SBK3: variants seen among roughly 807,000 people sequenced by gnomAD.
SBK3 encodes the protein uncharacterized serine/threonine-protein kinase SBK3.
A neutral mutation model predicts 12.7 loss-of-function variants in SBK3; 16 were observed. That is an observed-to-expected ratio of 1.26 (90% CI 0.86 to 1.92). SBK3 has a LOEUF of 1.92. Among genes scored for constraint, SBK3 ranks in the 40% most tolerant of loss-of-function variants. SBK3 has a pLI of 0.00. For missense variants in SBK3, 462 were observed against 481.8 expected, an observed-to-expected ratio of 0.96 and a Z score of 0.38; for synonymous variants, 217 against 213.6, an observed-to-expected ratio of 1.02 and a Z score of -0.14.
At chr19:55,542,487 CCATCCAT>C (rs1988574387) in intron 3 of SBK3, among the ~76,000 whole-genome samples, 2 of 148,568 alleles carry the variant, frequency 1.3e-5, no homozygotes, top group Admixed American at 6.7e-5. Flanking sequence ...ATCCATCCAT[CCATCCAT>C]CCACCCACCA....
In SBK3 at chr19:55,544,919, C is replaced by T. The variant is rs1381912753; in HGVS notation, c.76G>A (p.Val26Met). The change falls in exon 2 of 4, where the codon GTG becomes ATG. Residue 26 changes from valine (V) to methionine (M), a missense_variant. Transcript: ENST00000612221. ...EDTATALQRL[V>M]ELTTSRVTPV... The stretch of plus-strand genomic sequence containing the variant: ...GTCACCCTGCTGGTCGTCAGCTCCA[C>T]CAGCCGTTGGAGGGCTGTGGCTGTG... 3 of 1,533,930 alleles carry T rather than the reference C, an allele frequency of 2.0e-6. No individual in the cohort carries two copies. The highest frequency in any genetic ancestry group is 2.6e-6 in the Non-Finnish European group (3 of 1,146,250).
intron 2 of SBK3, among the ~76,000 whole-genome samples, chr19:55,544,533 C>T (rs1024793325): frequency 1.3e-5 from 2 of 152,134 alleles, no homozygotes; most frequent in Non-Finnish European, 2.9e-5. Flanking sequence ...TCAGTTTCCC[C>T]TGGCATCAAG....
rs747779122 is a variant in SBK3, at chr19:55,540,938, C to A, written c.988G>T (p.Glu330Ter). The A allele has an allele frequency of 6.5e-7, 1 of 1,536,084 alleles. No homozygotes were observed. The highest frequency in any genetic ancestry group is 2.4e-5 in the East Asian group (1 of 40,924). The part of the protein sequence containing the change: ...LGSAVSYEDR[E>*]EGGSSLEEWT... The stretch of plus-strand genomic sequence containing the variant: ...TCCTCCAGGCTTGAGCCTCCCTCCT[C>A]CCTGTCCTCATAGGACACGGCGCTC... Residue 330 changes from glutamate (E) to a stop codon, truncating the protein, a stop_gained, in exon 4 of 4, where the codon GAG becomes TAG. Coordinates refer to ENST00000612221, the MANE Select transcript of SBK3 (RefSeq NM_001199824.2). LOFTEE classifies it low-confidence loss of function (END_TRUNC).
In SBK3 at chr19:55,540,687, G is replaced by A. The variant is rs1490891435; in HGVS notation, c.*159C>T. 1.4e-6 allele frequency: 1 copy of A among 694,908 alleles called. No homozygotes were observed. Among genetic ancestry groups the A allele is most frequent in the Non-Finnish European group, 2.6e-6 (1 of 392,106 alleles). The allele number at this position is 694,908 out of a possible 1,614,324, so 43.0% of individuals were successfully genotyped here. A position where few individuals can be genotyped will look rare whatever the true frequency, so the allele number is the denominator to read the frequency against. ...GAGCTGGGCTCTTGGGTCCTCAGTT[G>A]GAAGAGGAATGCGCGTCCAAGCCCA... On this transcript the variant is annotated 3_prime_UTR_variant, in exon 4 of 4. Coordinates refer to ENST00000612221, the MANE Select transcript of SBK3 (RefSeq NM_001199824.2).
At position 55,541,212 on chromosome 19, in the gene SBK3, G is replaced by A. The variant is rs543117518; in HGVS notation, c.714C>T (p.Ala238=). 1 of 1,535,980 alleles carries A rather than the reference G, an allele frequency of 6.5e-7. No homozygotes were observed. The highest frequency in any genetic ancestry group is 1.4e-5 in the African/African-American group (1 of 73,050). ...LGVLLFCAAT[A]CFPWDVALAP... ...CCAGTGCCACGTCCCAAGGGAAACA[G>A]GCAGTGGCAGCACAGAAGAGAAGCA... Residue 238 remains alanine, a synonymous_variant, in exon 4 of 4, where the codon GCC becomes GCT. Transcript: ENST00000612221. The surrounding 1 kb of genome is among the most constrained non-coding windows in gnomAD (Gnocchi z 5.3).
chr19:55,543,620 T>G (rs1441443414), intron 3 of SBK3, among the ~76,000 whole-genome samples: 1 of 152,000 alleles, frequency 6.6e-6, no homozygotes, highest in Non-Finnish European at 1.5e-5. Flanking sequence ...TGACCTGGTC[T>G]CCTTTCTAGA....
At position 55,543,611 on chromosome 19, in the gene SBK3, G is replaced by A. The variant is rs542500630; in HGVS notation, c.399+489C>T. Among the ~76,000 whole-genome samples, 3 of 151,806 alleles carry A rather than the reference G, an allele frequency of 2.0e-5. No homozygotes were observed. The East Asian group carries it at 5.8e-4, about 29-fold the overall frequency. On this transcript the variant is annotated intron_variant, in intron 3 of 3. Transcript: ENST00000612221. The stretch of plus-strand genomic sequence containing the variant: ...CCTAGAATATCATGGGTTCTGTCCT[G>A]ACCTGGTCTCCTTTCTAGAAGAAAC...
intron 3 of SBK3, among the ~76,000 whole-genome samples, chr19:55,542,322 C>T (rs879815604): frequency 7.9e-5 from 12 of 152,162 alleles, no homozygotes; most frequent in Admixed American, 2.0e-4. Flanking sequence ...TGCTTCCTTT[C>T]ACCCATCCAC....
Position 55,541,237 on chromosome 19 carries a change from A to AC in SBK3, c.688dup (p.Val230GlyfsTer22). 6.5e-7 allele frequency: 1 copy of AC among 1,535,872 alleles called. No homozygotes were observed. Among genetic ancestry groups the AC allele is most frequent in the Non-Finnish European group, 8.7e-7 (1 of 1,146,862 alleles). On this transcript the variant is annotated frameshift_variant, in exon 4 of 4. Coordinates refer to ENST00000612221, the MANE Select transcript of SBK3 (RefSeq NM_001199824.2). LOFTEE classifies it low-confidence loss of function (END_TRUNC). This position sits in a 1 kb window ranked among gnomAD's most constrained non-coding sequence, Gnocchi z 5.3. ...GGCAGTGGCAGCACAGAAGAGAAGC[A>AC]CCCCCAGGCCCCAGGAGTCCACGGC...
At chr19:55,543,039 A>T (rs979117491) in intron 3 of SBK3, among the ~76,000 whole-genome samples, 2 of 66,318 alleles carry the variant, frequency 3.0e-5, no homozygotes, top group Non-Finnish European at 5.6e-5. Flanking sequence ...TCATCCACCC[A>T]CCCACCCACC....
rs1988562816 is a variant in SBK3, at chr19:55,541,618, G to A, written c.400-92C>T. 11 of 1,062,578 alleles carry A rather than the reference G, an allele frequency of 1.0e-5. No homozygotes were observed. The highest frequency in any genetic ancestry group is 2.9e-4 in the Middle Eastern group (1 of 3,500). The allele number at this position is 1,062,578 out of a possible 1,614,324, so 65.8% of individuals were successfully genotyped here. The stretch of plus-strand genomic sequence containing the variant: ...TGGTCTCAAACTCCTGGCCTCAAGC[G>A]ATCCTCCTGCCTTGGCCTCCCAAAG... On this transcript the variant is annotated intron_variant, in intron 3 of 3. Coordinates refer to ENST00000612221, the MANE Select transcript of SBK3 (RefSeq NM_001199824.2). This position sits in a 1 kb window ranked among gnomAD's most constrained non-coding sequence, Gnocchi z 5.3.
rs1350572387 is a variant in SBK3 at position 55,545,403 on chromosome 19, T to C, written c.45+96A>G. On this transcript the variant is annotated intron_variant, in intron 1 of 3. Transcript: ENST00000612221. This position sits in a 1 kb window ranked among gnomAD's most constrained non-coding sequence, Gnocchi z 4.4. ...TCTCTGAGGTCTTTGCGTTTCCCTG[T>C]TTTCTGTTTCTCTTCCTCTCTCTCC... is the stretch of plus-strand genomic sequence containing the variant. 9.5e-7 allele frequency: 1 copy of C among 1,049,728 alleles called. No individual in the cohort carries two copies. Among genetic ancestry groups the C allele is most frequent in the Non-Finnish European group, 1.4e-6 (1 of 718,298 alleles). 65.0% of individuals were successfully genotyped at this position (1,049,728 alleles called of 1,614,324 possible).
chr19:55,544,226 G>A lies in SBK3; in HGVS notation c.273C>T (p.Gly91=), dbSNP rs562432123. ...GGCCTGGGTGTGCAGAGACGCAGCG[G>A]CCCACACAGAACTCCCTCAGGAAGG... ...RSTFLREFCV[G]RCVSAHPGLL... Residue 91 remains glycine, a synonymous_variant, in exon 3 of 4, where the codon GGC becomes GGT. Transcript: ENST00000612221. The A allele has an allele frequency of 1.3e-6, 2 of 1,536,024 alleles. No individual in the cohort carries two copies. The highest frequency in any genetic ancestry group is 2.0e-5 in the Admixed American group (1 of 50,984).
Position 55,545,262 on chromosome 19 carries a change from T to A in SBK3, c.45+237A>T. 2 of 586,332 alleles carry A rather than the reference T, an allele frequency of 3.4e-6. No homozygotes were observed. Among genetic ancestry groups the A allele is most frequent in the South Asian group, 4.2e-5 (2 of 47,596 alleles). 36.3% of individuals were successfully genotyped at this position (586,332 alleles called of 1,614,324 possible). ...CCCCCTGCCCACCCTGGTCTCTCTC[T>A]CCACCGTCCTCTTCCCCTGTGCATC... On this transcript the variant is annotated intron_variant, in intron 1 of 3. Coordinates refer to ENST00000612221, the MANE Select transcript of SBK3 (RefSeq NM_001199824.2). The surrounding 1 kb of genome is among the most constrained non-coding windows in gnomAD (Gnocchi z 4.4).
Position 55,543,421 on chromosome 19 carries a change from C to T in SBK3, c.399+679G>A, listed in dbSNP as rs1599950192. ...CTATTCACCCACCCATCTGTCCACT[C>T]ACCCATCCTTCCATCCTTCTAATTC... On this transcript the variant is annotated intron_variant, in intron 3 of 3. Transcript: ENST00000612221. Among the ~76,000 whole-genome samples, 3 of 149,622 alleles carry T rather than the reference C, an allele frequency of 2.0e-5. No homozygotes were observed. The Middle Eastern group carries it at 0.01, about 509-fold the overall frequency.
At chr19:55,544,327 A>C in intron 2 of SBK3, 25 bp from the exon 3 acceptor site, 1 of 1,524,768 alleles carries the variant, frequency 6.6e-7, no homozygotes, top group Non-Finnish European at 8.8e-7. Flanking sequence ...GGTCGGAGGG[A>C]CACTCAGGCG....
Position 55,544,087 on chromosome 19 carries a change from C to T in SBK3, c.399+13G>A, listed in dbSNP as rs985151553. On this transcript the variant is annotated intron_variant, in intron 3 of 3. Transcript: ENST00000612221. ...GGATAAGCACTCCCAACCTTTGTCC[C>T]TCGTGGCCTCACCCTTTCCTGCAGC... The T allele has an allele frequency of 1.4e-6, 2 of 1,462,226 alleles. No homozygotes were observed. Among genetic ancestry groups the T allele is most frequent in the African/African-American group, 1.4e-5 (1 of 70,930 alleles). 90.6% of individuals were successfully genotyped at this position (1,462,226 alleles called of 1,614,324 possible). A position where few individuals can be genotyped will look rare whatever the true frequency, so the allele number is the denominator to read the frequency against.
chr19:55,544,031 A>G, intron 3 of SBK3, 69 bp downstream of exon 3: 1 of 1,336,032 alleles, frequency 7.5e-7, no homozygotes, highest in Non-Finnish European at 9.9e-7. Flanking sequence ...AGTTGGAGAC[A>G]GAGACGGGGC....
Position 55,545,091 on chromosome 19 carries a change from A to G in SBK3, c.46-142T>C, listed in dbSNP as rs1346749050. ...GTCCCCAGAGAGGAGGATGAGTCACAGTGACTCACCCGGACTCGGGCCACC... is the reference window on the plus strand; with the variant it reads ...GTCCCCAGAGAGGAGGATGAGTCACGGTGACTCACCCGGACTCGGGCCACC... On this transcript the variant is annotated intron_variant, in intron 1 of 3. Coordinates refer to ENST00000612221, the MANE Select transcript of SBK3 (RefSeq NM_001199824.2). This position sits in a 1 kb window ranked among gnomAD's most constrained non-coding sequence, Gnocchi z 4.4. 6.1e-6 allele frequency: 4 copies of G among 660,204 alleles called. No homozygotes were observed. The highest frequency in any genetic ancestry group is 1.0e-5 in the Non-Finnish European group (4 of 397,930). The allele number at this position is 660,204 out of a possible 1,614,324, so 40.9% of individuals were successfully genotyped here.
Sources: gnomAD v4.1 joint callset for allele counts (sites outside exome capture counted in the v4.1 genomes callset) on GRCh38, gnomAD v4.1.1 for gene constraint, Gnocchi (gnomAD v3.1) non-coding constraint, MANE v1.5 for transcripts, NCBI Gene and HGNC (gene_info 2026-07-23, HGNC 2026-07-21) for gene names.